The following ERP44 variants were observed in gnomAD, a reference collection of about 807,000 sequenced individuals.
ERP44 encodes the protein endoplasmic reticulum resident protein 44.
In ERP44, 25 loss-of-function variants were observed where a neutral mutation model predicts 53.4. The ratio of observed to expected loss-of-function variants is 0.47; its 90% CI spans 0.34 to 0.65. The LOEUF (loss-of-function observed/expected upper bound fraction) is 0.65. Ranked by LOEUF, ERP44 falls within the 30% of genes least tolerant of loss-of-function variation. The probability of loss-of-function intolerance (pLI) is 0.01; values close to 1 mark genes in which losing one functional copy is unlikely to be tolerated. For missense variants in ERP44, 338 were observed against 493.2 expected (o/e 0.69, Z 2.98); for synonymous variants, 145 against 161.2 (o/e 0.90, Z 0.76).
chr9:99,986,582 C>T (rs1038372245), intron 10 of ERP44, among the ~76,000 whole-genome samples: 1 of 151,986 alleles, frequency 6.6e-6, no homozygotes, highest in Non-Finnish European at 1.5e-5. Flanking sequence ...GTTAATATTA[C>T]CAGTTTCTTT....
chr9:99,994,029 T>C (rs1326487241), intron 10 of ERP44, among the ~76,000 whole-genome samples: 3 of 152,088 alleles, frequency 2.0e-5, no homozygotes, highest in East Asian at 1.9e-4. Flanking sequence ...TGTGGAGAAA[T>C]AGGAACGCTT....
intron 10 of ERP44, among the ~76,000 whole-genome samples, chr9:100,003,801 T>C (rs1013860824): frequency 2.0e-5 from 3 of 150,828 alleles, no homozygotes; most frequent in African/African-American, 7.4e-5. Flanking sequence ...GCTGAGTCTG[T>C]GGGAGTGGGC....
At position 100,055,573 on chromosome 9, in the gene ERP44, G is replaced by A. The variant is rs531387349; in HGVS notation, c.170+2247C>T. On this transcript the variant is annotated intron_variant, in intron 3 of 11. Coordinates refer to ENST00000262455, the MANE Select transcript of ERP44 (RefSeq NM_015051.3). ...TTTAGTAAAGACGGGGTTTCACCAT[G>A]TTCGTCAGGCTAGTCTGGAACTCCT... Among the ~76,000 whole-genome samples, 3 of 152,274 alleles carry A rather than the reference G, an allele frequency of 2.0e-5. No individual in the cohort carries two copies. The East Asian group carries it at 5.8e-4, about 29-fold the overall frequency.
At chr9:100,093,046 C>T (rs1826579128) in intron 1 of ERP44, among the ~76,000 whole-genome samples, 1 of 152,170 alleles carries the variant, frequency 6.6e-6, no homozygotes, top group Non-Finnish European at 1.5e-5. Flanking sequence ...TCATTGTATG[C>T]ATACCTTTTG....
chr9:99,984,714 T>C (rs754599084), intron 11 of ERP44, among the ~76,000 whole-genome samples: 13 of 152,236 alleles, frequency 8.5e-5, no homozygotes, highest in Non-Finnish European at 1.6e-4. Flanking sequence ...TTAACTGTTA[T>C]AGCCATATTC....
intron 1 of ERP44, among the ~76,000 whole-genome samples, chr9:100,094,259 T>A (rs1826597288): frequency 6.7e-6 from 1 of 149,846 alleles, no homozygotes; most frequent in African/African-American, 2.5e-5. Context: ...TACAATTTAA[T>A]CCAAGTGGAG....
chr9:100,087,625 A>C (rs965854530), intron 1 of ERP44, among the ~76,000 whole-genome samples: 1 of 152,220 alleles, frequency 6.6e-6, no homozygotes. Context: ...GATATGTGAG[A>C]AAATGGAAAC....
chr9:100,028,669 A>AAAAAT (rs1209446515), intron 4 of ERP44, among the ~76,000 whole-genome samples: 1 of 152,234 alleles, frequency 6.6e-6, no homozygotes, highest in Non-Finnish European at 1.5e-5. Context: ...TCAATTCAGA[A>AAAAAT]AAAATAAACT....
intron 3 of ERP44, among the ~76,000 whole-genome samples, chr9:100,055,560 G>A (rs1198163892): frequency 6.6e-6 from 1 of 152,080 alleles, no homozygotes; most frequent in Non-Finnish European, 1.5e-5. Flanking sequence ...TAGTAAAGAC[G>A]GGGTTTCACC....
At chr9:100,092,739 T>C (rs1826574451) in intron 1 of ERP44, among the ~76,000 whole-genome samples, 1 of 152,110 alleles carries the variant, frequency 6.6e-6, no homozygotes, top group South Asian at 2.1e-4. Context: ...AAACAAATTA[T>C]CAATAAATAT....
At chr9:99,998,609 T>G in intron 10 of ERP44, 1 of 755,648 alleles carries the variant, frequency 1.3e-6, no homozygotes, top group East Asian at 2.5e-5. Context: ...ATGCTGTCTT[T>G]GTGCTTCAGA....
chr9:100,061,853 C>T (rs2118719645), intron 1 of ERP44, among the ~76,000 whole-genome samples: 1 of 152,244 alleles, frequency 6.6e-6, no homozygotes. Flanking sequence ...AGACTTCCCT[C>T]ACTAGTCATT....
intron 6 of ERP44, among the ~76,000 whole-genome samples, chr9:100,019,941 A>G (rs1383594746): frequency 6.6e-6 from 1 of 152,226 alleles, no homozygotes; most frequent in African/African-American, 2.4e-5. Flanking sequence ...AAGAAAATCA[A>G]GGTAGCCAGG....
intron 4 of ERP44, among the ~76,000 whole-genome samples, chr9:100,042,636 C>G (rs980066656): frequency 2.6e-5 from 4 of 152,140 alleles, no homozygotes; most frequent in Admixed American, 6.5e-5. Context: ...CTATTCAGAA[C>G]AGGCTAGATT....
chr9:99,984,477 A>AT, intron 11 of ERP44, among the ~76,000 whole-genome samples: 1 of 152,214 alleles, frequency 6.6e-6, no homozygotes, highest in East Asian at 1.9e-4. Context: ...TAAATCACAA[A>AT]TGGGAAAGCT....
intron 10 of ERP44, among the ~76,000 whole-genome samples, chr9:100,005,919 C>T (rs1220663471): frequency 6.6e-6 from 1 of 152,168 alleles, no homozygotes; most frequent in Non-Finnish European, 1.5e-5. Flanking sequence ...CCTCACAAAG[C>T]TGATAAAAAT....
At chr9:100,009,061 A>C (rs1830446630) in intron 8 of ERP44, among the ~76,000 whole-genome samples, 1 of 151,936 alleles carries the variant, frequency 6.6e-6, no homozygotes, top group African/African-American at 2.4e-5. Context: ...TTAAGTGTAC[A>C]ATTTTGTGGT....
intron 1 of ERP44, among the ~76,000 whole-genome samples, chr9:100,081,939 C>T (rs1193867938): frequency 6.6e-6 from 1 of 151,828 alleles, no homozygotes; most frequent in Non-Finnish European, 1.5e-5. Flanking sequence ...AAAATAACAC[C>T]ACAAACAGTT....
At chr9:100,037,681 A>G (rs540268210) in intron 4 of ERP44, among the ~76,000 whole-genome samples, 2 of 152,250 alleles carry the variant, frequency 1.3e-5, no homozygotes, top group Admixed American at 6.5e-5. Context: ...GGCACCAGAC[A>G]GTCGTGAAGC....
Sources: gnomAD v4.1 joint callset for allele counts (sites outside exome capture counted in the v4.1 genomes callset) on GRCh38, gnomAD v4.1.1 for gene constraint, MANE v1.5 for transcripts, NCBI Gene and HGNC (gene_info 2026-07-23, HGNC 2026-07-21) for gene names.